The following ADAM12 variants were observed in gnomAD, a reference collection of about 807,000 sequenced individuals.
The protein encoded by ADAM12 is disintegrin and metalloproteinase domain-containing protein 12.
A neutral mutation model predicts 106.4 loss-of-function variants in ADAM12; 70 were observed. The ratio of observed to expected loss-of-function variants is 0.66; its 90% CI spans 0.54 to 0.80. The LOEUF (loss-of-function observed/expected upper bound fraction) is 0.80, where lower values mean the gene tolerates loss of function less well. ADAM12 is among the 30% of genes least tolerant of loss of function. The pLI, the probability that ADAM12 is intolerant of heterozygous loss-of-function variation, is 0.00. For missense variants in ADAM12, 1,010 were observed against 1,171.9 expected, an observed-to-expected ratio of 0.86 and a Z score of 2.02; for synonymous variants, 420 against 433.5, an observed-to-expected ratio of 0.97 and a Z score of 0.39.
chr10:126,169,561 A>T (rs1957082506), intron 3 of ADAM12, among the ~76,000 whole-genome samples: 1 of 152,198 alleles, frequency 6.6e-6, no homozygotes, highest in Non-Finnish European at 1.5e-5. Flanking sequence ...CTGCTATTTT[A>T]GGATATGAGG....
intron 3 of ADAM12, among the ~76,000 whole-genome samples, chr10:126,183,599 C>A (rs1032247819): frequency 6.6e-6 from 1 of 152,242 alleles, no homozygotes. Context: ...AACATGTCGT[C>A]CGCACTTCTA....
At chr10:126,136,899 A>G (rs926774613) in intron 4 of ADAM12, among the ~76,000 whole-genome samples, 3 of 152,212 alleles carry the variant, frequency 2.0e-5, no homozygotes, top group African/African-American at 7.2e-5. Flanking sequence ...GCCTGTTATT[A>G]CATGGGAAAT....
At chr10:126,123,357 C>T (rs1956146187) in intron 5 of ADAM12, among the ~76,000 whole-genome samples, 1 of 152,184 alleles carries the variant, frequency 6.6e-6, no homozygotes, top group Non-Finnish European at 1.5e-5. Flanking sequence ...GAATTTAAAT[C>T]CAGTGGACTT....
At chr10:126,081,691 T>A (rs1386415431) in intron 11 of ADAM12, among the ~76,000 whole-genome samples, 1 of 152,150 alleles carries the variant, frequency 6.6e-6, no homozygotes, top group Non-Finnish European at 1.5e-5. Flanking sequence ...AACAACTACC[T>A]CATTGCACTG....
intron 3 of ADAM12, among the ~76,000 whole-genome samples, chr10:126,233,681 C>T (rs762604631): frequency 4.6e-5 from 7 of 152,132 alleles, no homozygotes; most frequent in Non-Finnish European, 7.3e-5. Context: ...TTTCTGCACT[C>T]GTGGGAGTGC....
At chr10:126,319,930 G>A (rs988050905) in intron 2 of ADAM12, among the ~76,000 whole-genome samples, 1 of 152,194 alleles carries the variant, frequency 6.6e-6, no homozygotes, top group Non-Finnish European at 1.5e-5. Flanking sequence ...TCTCTAATGG[G>A]CAGATTTCTC....
At chr10:126,262,011 A>G (rs978113471) in intron 3 of ADAM12, among the ~76,000 whole-genome samples, 3 of 152,180 alleles carry the variant, frequency 2.0e-5, no homozygotes, top group African/African-American at 7.2e-5. Flanking sequence ...TTTTTAGGGC[A>G]TAAGCCATGT....
In ADAM12 at chr10:126,313,873, A is replaced by G. The variant is rs553867265; in HGVS notation, c.186+16539T>C. 2.6e-5 allele frequency among the ~76,000 whole-genome samples: 4 copies of G among 152,242 alleles called. No individual in the cohort carries two copies. In the South Asian group the frequency reaches 8.3e-4, roughly 32 times the overall value. On this transcript the variant is annotated intron_variant, in intron 2 of 22. Transcript: ENST00000448723. Reference sequence around the variant, plus strand: ...TGGTGAGGCAGAGCGTGGAAGAAACAAAGAATAATTACAGCAACCAAGCGA... The same window carrying G: ...TGGTGAGGCAGAGCGTGGAAGAAACGAAGAATAATTACAGCAACCAAGCGA...
chr10:126,386,029 GGAT>G (rs945404590), intron 1 of ADAM12, among the ~76,000 whole-genome samples: 2 of 152,170 alleles, frequency 1.3e-5, no homozygotes, highest in African/African-American at 4.8e-5. Flanking sequence ...GCACACTTCG[GGAT>G]GTAAGGAAGT....
chr10:126,195,108 G>C (rs546817747), intron 3 of ADAM12, among the ~76,000 whole-genome samples: 4 of 152,124 alleles, frequency 2.6e-5, no homozygotes, highest in Admixed American at 2.6e-4. Flanking sequence ...GGAGGGCTTG[G>C]GGGTGGAGAG....
intron 14 of ADAM12, among the ~76,000 whole-genome samples, chr10:126,059,226 T>A (rs569586454): frequency 5.9e-5 from 9 of 152,326 alleles, no homozygotes; most frequent in African/African-American, 2.2e-4. Context: ...GTTTACTCAA[T>A]CTAATCTTAC....
intron 17 of ADAM12, among the ~76,000 whole-genome samples, chr10:126,045,607 C>A (rs112387531): frequency 3.9e-5 from 6 of 152,272 alleles, no homozygotes; most frequent in African/African-American, 1.4e-4. Context: ...AAATAACAGC[C>A]TTCTTTAGTT....
At chr10:126,135,401 G>C in intron 5 of ADAM12, 183 bp downstream of exon 5, 1 of 592,528 alleles carries the variant, frequency 1.7e-6, no homozygotes, top group East Asian at 2.8e-5. Context: ...CTAAGATCCT[G>C]GGTGGCCATG....
intron 1 of ADAM12, among the ~76,000 whole-genome samples, chr10:126,331,988 G>A (rs559565983): frequency 3.3e-5 from 5 of 152,278 alleles, no homozygotes; most frequent in African/African-American, 1.2e-4. Flanking sequence ...TTGAGTAAGT[G>A]TGTCTCCCTC....
intron 14 of ADAM12, among the ~76,000 whole-genome samples, chr10:126,058,329 C>T (rs1382087244): frequency 2.0e-5 from 3 of 152,250 alleles, no homozygotes; most frequent in Non-Finnish European, 4.4e-5. Context: ...CTCCAGTGCC[C>T]TTCCCGGAGG....
intron 21 of ADAM12, among the ~76,000 whole-genome samples, chr10:126,029,202 C>T (rs1378771631): frequency 6.6e-6 from 1 of 152,136 alleles, no homozygotes; most frequent in Non-Finnish European, 1.5e-5. Context: ...CCTCAAAGAC[C>T]TAGCAGCAGA....
intron 3 of ADAM12, among the ~76,000 whole-genome samples, chr10:126,260,396 A>G (rs1318240177): frequency 6.6e-6 from 1 of 152,232 alleles, no homozygotes; most frequent in Non-Finnish European, 1.5e-5. Flanking sequence ...AACACTTAAA[A>G]TTTCTATATG....
At chr10:126,385,184 A>G (rs543891643) in intron 1 of ADAM12, among the ~76,000 whole-genome samples, 3 of 152,322 alleles carry the variant, frequency 2.0e-5, no homozygotes, top group African/African-American at 7.2e-5. Context: ...TCCTCTCTAG[A>G]TACGCCACCC....
At position 126,043,185 on chromosome 10, in the gene ADAM12, A is replaced by G. The variant is rs747430200; in HGVS notation, c.1996-37T>C. 2 of 1,592,736 alleles carry G rather than the reference A, an allele frequency of 1.3e-6. No individual in the cohort carries two copies. The highest frequency in any genetic ancestry group is 2.2e-5 in the East Asian group (1 of 44,656). On this transcript the variant is annotated intron_variant, in intron 17 of 22. Transcript: ENST00000448723. The surrounding 1 kb of genome is among the most constrained non-coding windows in gnomAD (Gnocchi z 4.1). ...GAGGGGAGGGACGTGGGGTTAGGGC[A>G]TATGCTCTGTGCATCACCACAGCAG...
Sources: gnomAD v4.1 joint callset for allele counts (sites outside exome capture counted in the v4.1 genomes callset) on GRCh38, gnomAD v4.1.1 for gene constraint, Gnocchi (gnomAD v3.1) non-coding constraint, MANE v1.5 for transcripts, NCBI Gene and HGNC (gene_info 2026-07-23, HGNC 2026-07-21) for gene names.